The following NDUFS1 variants were observed in gnomAD, a reference collection of about 807,000 sequenced individuals.
The protein encoded by NDUFS1 is NADH:ubiquinone oxidoreductase core subunit S1, also known as NADH-ubiquinone oxidoreductase 75 kDa subunit, mitochondrial.
A neutral mutation model predicts 84.4 loss-of-function variants in NDUFS1; 61 were observed. The observed-to-expected ratio is 0.72, with a 90% CI of 0.59 to 0.89. The LOEUF (loss-of-function observed/expected upper bound fraction) is 0.89, where lower values mean the gene tolerates loss of function less well. NDUFS1 is among the 40% of genes least tolerant of loss of function. NDUFS1 has a pLI of 0.00. For missense variants in NDUFS1, 891 were observed against 890.0 expected (o/e 1.00, Z -0.01); for synonymous variants, 275 against 290.0 (o/e 0.95, Z 0.53).
chr2:206,138,420 A>C, intron 13 of NDUFS1, 65 bp downstream of exon 13: 2 of 1,553,208 alleles, frequency 1.3e-6, no homozygotes, highest in South Asian at 2.3e-5. Context: ...TATTACAAAA[A>C]CAGTTAAGTT....
Position 206,142,065 on chromosome 2 carries a change from C to G in NDUFS1, c.1138G>C (p.Asp380His). The G allele has an allele frequency of 1.9e-6, 3 of 1,593,618 alleles. No individual in the cohort carries two copies. Among genetic ancestry groups the G allele is most frequent in the Non-Finnish European group, 2.6e-6 (3 of 1,161,498 alleles). Residue 380 changes from aspartate to histidine, a missense_variant, in exon 12 of 19, where the codon GAT becomes CAT. Coordinates refer to ENST00000233190, the MANE Select transcript of NDUFS1 (RefSeq NM_005006.7). ...EVFPTAGAGT[D>H]LRSNYLLNTT... is the part of the protein sequence containing the mutation. Reference sequence around the variant, plus strand: ...TTAAGAAGATAATTGGAACGCAAATCTGTGCTAGAAATACAATATATAAAA... The same window carrying G: ...TTAAGAAGATAATTGGAACGCAAATGTGTGCTAGAAATACAATATATAAAA...
At chr2:206,151,711 A>G (rs779204195) in intron 3 of NDUFS1, among the ~76,000 whole-genome samples, 7 of 152,170 alleles carry the variant, frequency 4.6e-5, no homozygotes, top group Non-Finnish European at 1.0e-4. Flanking sequence ...AGCACATGCT[A>G]CCCTCCATTT....
At position 206,116,261 on chromosome 2, in the gene NDUFS1, T is replaced by C. The variant is rs1690939580; in HGVS notation, c.*7924A>G. 1.9e-6 allele frequency: 2 copies of C among 1,045,148 alleles called. No homozygotes were observed. Among genetic ancestry groups the C allele is most frequent in the Non-Finnish European group, 3.0e-6 (2 of 660,000 alleles). 64.7% of individuals were successfully genotyped at this position (1,045,148 alleles called of 1,614,324 possible). A position where few individuals can be genotyped will look rare whatever the true frequency, so the allele number is the denominator to read the frequency against. ...TCCTGGATTTTCTGCAAGAGCTTCA[T>C]TAATTTCGGTTACTTCTCCTGATAA... On this transcript the variant is annotated 3_prime_UTR_variant, in exon 19 of 19. Coordinates refer to ENST00000233190, the MANE Select transcript of NDUFS1 (RefSeq NM_005006.7).
chr2:206,154,704 A>C (rs1394470146), intron 1 of NDUFS1, among the ~76,000 whole-genome samples: 2 of 151,992 alleles, frequency 1.3e-5, no homozygotes, highest in Non-Finnish European at 2.9e-5. Flanking sequence ...GCTCACTGCA[A>C]CCTCCACCGC....
At chr2:206,140,194 A>T (rs954535026) in intron 12 of NDUFS1, among the ~76,000 whole-genome samples, 15 of 152,122 alleles carry the variant, frequency 9.9e-5, no homozygotes, top group African/African-American at 2.9e-4. Context: ...AAGGTATTTT[A>T]AAAAATTAGC....
chr2:206,142,326 C>CCT (rs936952614), intron 11 of NDUFS1, among the ~76,000 whole-genome samples: 8 of 152,204 alleles, frequency 5.3e-5, no homozygotes, highest in Admixed American at 5.2e-4. Flanking sequence ...AATTCTCCTG[C>CCT]CTCAGCCTCC....
chr2:206,133,425 C>G (rs1691591122), intron 13 of NDUFS1, among the ~76,000 whole-genome samples: 1 of 152,200 alleles, frequency 6.6e-6, no homozygotes, highest in Admixed American at 6.5e-5. Flanking sequence ...TGGGGAACTT[C>G]TCTCCAGAGA....
Position 206,153,648 on chromosome 2 carries a change from C to T in NDUFS1, c.31G>A (p.Val11Ile). 6.5e-7 allele frequency: 1 copy of T among 1,548,154 alleles called. No homozygotes were observed. The highest frequency in any genetic ancestry group is 8.9e-7 in the Non-Finnish European group (1 of 1,122,838). Reference sequence around the variant, plus strand: ...CCTTTAGGAGACTTAGAAAGGCCTACTAAGGCCTTTCTTACAGGTATCCTT... The same window carrying T: ...CCTTTAGGAGACTTAGAAAGGCCTATTAAGGCCTTTCTTACAGGTATCCTT... The part of the protein sequence containing the change: MLRIPVRKAL[V>I]GLSKSPKGCV... The change falls in exon 2 of 19, where the codon GTA (valine) becomes ATA (isoleucine). Residue 11 changes from valine to isoleucine, a missense_variant. Coordinates refer to ENST00000233190, the MANE Select transcript of NDUFS1 (RefSeq NM_005006.7).
At position 206,146,928 on chromosome 2, in the gene NDUFS1, A is replaced by G; in HGVS notation, c.712T>C (p.Phe238Leu). 6.2e-7 allele frequency: 1 copy of G among 1,614,096 alleles called. No individual in the cohort carries two copies. The highest frequency in any genetic ancestry group is 8.5e-7 in the Non-Finnish European group (1 of 1,179,990). Residue 238 changes from phenylalanine to leucine, a missense_variant, in exon 8 of 19, where the codon TTT becomes CTT. By Grantham distance (22) the Phe-to-Leu change is conservative. Transcript: ENST00000233190. The stretch of plus-strand genomic sequence containing the variant: ...CTTGTTTCCCAAGGCCGGGCAGTAA[A>G]GGCATAGGGCTTAGAGGTTAGGGCA... ...VGALTSKPYA[F>L]TARPWETRKT...
At chr2:206,153,792 C>T (rs1169027288) in intron 1 of NDUFS1, 110 bp from the exon 2 acceptor site, 2 of 665,836 alleles carry the variant, frequency 3.0e-6, no homozygotes, top group Non-Finnish European at 5.3e-6. Context: ...TCATTGAACA[C>T]TCATAGGTTC....
In NDUFS1 at chr2:206,115,708, C is replaced by T. The variant is rs982702383; in HGVS notation, c.*8477G>A. 4.5e-5 allele frequency: 18 copies of T among 403,440 alleles called. No individual in the cohort carries two copies. Among genetic ancestry groups the T allele is most frequent in the Non-Finnish European group, 7.1e-5 (15 of 210,238 alleles). The allele number at this position is 403,440 out of a possible 1,614,324, so 25.0% of individuals were successfully genotyped here. A position where few individuals can be genotyped will look rare whatever the true frequency, so the allele number is the denominator to read the frequency against. ...CAAGCAACAAAAACTTCTTCACTCC[C>T]AGTTATTTCCAATGGAAAGATCATT... is the stretch of plus-strand genomic sequence containing the variant. On this transcript the variant is annotated 3_prime_UTR_variant, in exon 19 of 19. Transcript: ENST00000233190.
Position 206,156,081 on chromosome 2 carries a change from G to T in NDUFS1, c.-4-2399C>A, listed in dbSNP as rs1451444459. Among the ~76,000 whole-genome samples the T allele has an allele frequency of 1.2e-4, 18 of 151,036 alleles. 1 individual carries two copies. The highest frequency in any genetic ancestry group is 2.2e-4 in the Non-Finnish European group (15 of 67,830). On this transcript the variant is annotated intron_variant, in intron 1 of 18. Coordinates refer to ENST00000233190, the MANE Select transcript of NDUFS1 (RefSeq NM_005006.7). ...GATCGAAACCATCCTGGCCAACATG[G>T]TGAAACCCCTTCTCTACTAAAAATA...
At position 206,147,551 on chromosome 2, in the gene NDUFS1, T is replaced by C. The variant is rs747987044; in HGVS notation, c.531A>G (p.Ile177Met). ...GTTACCTGATGCAGCGAGTACACTG[T>C]ATACATCTTGTCATGATGGTCTTTA... ...PLVKTIMTRCIQCTRCIRFAS... is the reference protein window; with the variant it reads ...PLVKTIMTRCMQCTRCIRFAS... The change falls in exon 7 of 19, where the codon ATA (isoleucine) becomes ATG (methionine). Residue 177 changes from isoleucine to methionine, a missense_variant. Physicochemically the swap from Ile to Met is conservative, Grantham distance 10. Coordinates refer to ENST00000233190, the MANE Select transcript of NDUFS1 (RefSeq NM_005006.7). The C allele has an allele frequency of 6.2e-7, 1 of 1,614,182 alleles. No homozygotes were observed. The highest frequency in any genetic ancestry group is 8.5e-7 in the Non-Finnish European group (1 of 1,180,010).
Position 206,116,662 on chromosome 2 carries a change from G to A in NDUFS1, c.*7523C>T, listed in dbSNP as rs1575930231. 3 of 410,274 alleles carry A rather than the reference G, an allele frequency of 7.3e-6. No homozygotes were observed. Among genetic ancestry groups the A allele is most frequent in the African/African-American group, 2.0e-5 (1 of 48,818 alleles). The allele number at this position is 410,274 out of a possible 1,614,324, so 25.4% of individuals were successfully genotyped here. ...GAACTTTGGGAGGTCAAGGTGGGAG[G>A]AGCGCCTGGGCCCAGGGGTTCAAGA... is the stretch of plus-strand genomic sequence containing the variant. On this transcript the variant is annotated 3_prime_UTR_variant, in exon 19 of 19. Transcript: ENST00000233190.
Position 206,144,946 on chromosome 2 carries a change from A to C in NDUFS1, c.818T>G (p.Ile273Ser). ...GATGTCCTCATGCATACGTGGCAAAATCCTCATCACTTCTCCAGTTCTTGT... is the reference window on the plus strand; with the variant it reads ...GATGTCCTCATGCATACGTGGCAAACTCCTCATCACTTCTCCAGTTCTTGT... ...VSTRTGEVMR[I>S]LPRMHEDINE... The change falls in exon 9 of 19, where the codon ATT (isoleucine) becomes AGT (serine). Residue 273 changes from isoleucine (I) to serine (S), a missense_variant. Physicochemically the swap from Ile to Ser is moderately radical, Grantham distance 142. Transcript: ENST00000233190. The C allele has an allele frequency of 1.9e-6, 3 of 1,614,052 alleles. No individual in the cohort carries two copies. Among genetic ancestry groups the C allele is most frequent in the Non-Finnish European group, 2.5e-6 (3 of 1,179,974 alleles).
rs796438747 is a variant in NDUFS1 at position 206,120,836 on chromosome 2, A to G, written c.*3349T>C. The stretch of plus-strand genomic sequence containing the variant: ...GCAGGCTGCAGGAATACAGTTGTCC[A>G]TGCTGGACTCAACTCATTTGCTCAA... On this transcript the variant is annotated 3_prime_UTR_variant, in exon 19 of 19. Transcript: ENST00000233190. 2.0e-5 allele frequency: 3 copies of G among 152,382 alleles called. No individual in the cohort carries two copies. Among genetic ancestry groups the G allele is most frequent in the African/African-American group, 4.8e-5 (2 of 41,588 alleles). The allele number at this position is 152,382 out of a possible 1,614,324, so 9.4% of individuals were successfully genotyped here. A position where few individuals can be genotyped will look rare whatever the true frequency, so the allele number is the denominator to read the frequency against.
rs201269060 is a variant in NDUFS1 at position 206,130,345 on chromosome 2, C to CATTTT, written c.1554-108_1554-104dup. On this transcript the variant is annotated intron_variant, in intron 14 of 18. Coordinates refer to ENST00000233190, the MANE Select transcript of NDUFS1 (RefSeq NM_005006.7). ...TTCCTTTCAACAATGTCAAAAAACC[C>CATTTT]ATTTTATTTTATTTTATTTTTTTCT... The CATTTT allele has an allele frequency of 4.4e-3, 6,151 of 1,391,238 alleles. 251 individuals are homozygous for CATTTT. The African/African-American group carries it at 0.082, about 19-fold the overall frequency. 86.2% of individuals were successfully genotyped at this position (1,391,238 alleles called of 1,614,324 possible). A position where few individuals can be genotyped will look rare whatever the true frequency, so the allele number is the denominator to read the frequency against.
intron 4 of NDUFS1, 39 bp from the exon 5 acceptor site, chr2:206,149,135 T>C (rs766162153): frequency 6.9e-7 from 1 of 1,440,854 alleles, no homozygotes; most frequent in East Asian, 2.3e-5. Flanking sequence ...GTATTTGTAT[T>C]TATTTGTGAT....
At chr2:206,131,136 T>A (rs1049936092) in intron 14 of NDUFS1, among the ~76,000 whole-genome samples, 2 of 152,192 alleles carry the variant, frequency 1.3e-5, no homozygotes, top group African/African-American at 2.4e-5. Flanking sequence ...ATAGTAGCCA[T>A]TCTGAGGACC....
Sources: allele counts gnomAD v4.1 joint callset (sites outside exome capture counted in the v4.1 genomes callset), GRCh38; gene constraint gnomAD v4.1.1; transcripts MANE v1.5; gene names NCBI Gene and HGNC (gene_info 2026-07-23, HGNC 2026-07-21).